NUFIP1: variants seen among roughly 807,000 people sequenced by gnomAD.
NUFIP1 encodes nuclear FMR1 interacting protein 1, also known as FMR1-interacting protein NUFIP1.
In NUFIP1, 38 loss-of-function variants were observed where a neutral mutation model predicts 56.2. The ratio of observed to expected loss-of-function variants is 0.68; its 90% CI spans 0.52 to 0.89. The LOEUF (loss-of-function observed/expected upper bound fraction) is 0.89, where lower values mean the gene tolerates loss of function less well. NUFIP1 is among the 40% of genes least tolerant of loss of function. The pLI, the probability that NUFIP1 is intolerant of heterozygous loss-of-function variation, is 0.00. For missense variants in NUFIP1, 567 were observed against 605.8 expected (o/e 0.94, Z 0.67); for synonymous variants, 215 against 212.4 (o/e 1.01, Z -0.10).
rs561522411 is a variant in NUFIP1, at chr13:44,943,477, C to T, written c.1336G>A (p.Glu446Lys). 28 of 1,613,842 alleles carry T rather than the reference C, an allele frequency of 1.7e-5. 1 individual carries two copies. In the South Asian group the frequency reaches 2.2e-4, roughly 13 times the overall value. The change falls in exon 9 of 10, where the codon GAA becomes AAA. Residue 446 changes from glutamate (E) to lysine (K), a missense_variant. Coordinates refer to ENST00000379161, the MANE Select transcript of NUFIP1 (RefSeq NM_012345.3). The stretch of plus-strand genomic sequence containing the variant: ...AGATATGGATGGTGTGTTCTTGGTT[C>T]GAATAACGTTTGATAGTTGTGATAA... Reference protein sequence around the residue: ...KDYHNYQTLFEPRTHHPYLLE... With the variant: ...KDYHNYQTLFKPRTHHPYLLE...
intron 6 of NUFIP1, among the ~76,000 whole-genome samples, chr13:44,962,924 C>G (rs1050985616): frequency 2.6e-5 from 4 of 152,098 alleles, no homozygotes; most frequent in African/African-American, 9.7e-5. Flanking sequence ...ACTGCACAGC[C>G]TAGGTGTGTA....
intron 9 of NUFIP1, among the ~76,000 whole-genome samples, chr13:44,941,994 G>T (rs1173797594): frequency 6.6e-6 from 1 of 150,582 alleles, no homozygotes; most frequent in African/African-American, 2.5e-5. Flanking sequence ...CATAACCTCC[G>T]CCTCCCGGGT....
At chr13:44,960,762 T>TAGAA (rs1283170628) in intron 6 of NUFIP1, among the ~76,000 whole-genome samples, 3 of 152,180 alleles carry the variant, frequency 2.0e-5, no homozygotes, top group African/African-American at 7.2e-5. Flanking sequence ...CAACTACTTT[T>TAGAA]AGAAAGAAAG....
Position 44,972,980 on chromosome 13 carries a change from G to A in NUFIP1, c.734+6210C>T, listed in dbSNP as rs1871856506. On this transcript the variant is annotated intron_variant, in intron 5 of 9. Coordinates refer to ENST00000379161, the MANE Select transcript of NUFIP1 (RefSeq NM_012345.3). ...GAAGTTATGCAAAGATAAGCAAAAT[G>A]TCTGTTAACATATATTCAAAGGTTG... 1.3e-5 allele frequency among the ~76,000 whole-genome samples: 2 copies of A among 152,184 alleles called. 1 individual carries two copies. The highest frequency in any genetic ancestry group is 1.3e-4 in the Admixed American group (2 of 15,280).
rs1259438714 is a variant in NUFIP1 at position 44,975,725 on chromosome 13, A to G, written c.734+3465T>C. On this transcript the variant is annotated intron_variant, in intron 5 of 9. Transcript: ENST00000379161. ...GAAACACCCTAATCTTCCAGACTAG[A>G]TGAAGTCCCCTTCCTCTTATATGCT... Among the ~76,000 whole-genome samples, 3 of 152,210 alleles carry G rather than the reference A, an allele frequency of 2.0e-5. No individual in the cohort carries two copies. In the East Asian group the frequency reaches 5.8e-4, roughly 29 times the overall value.
chr13:44,978,656 A>T (rs760268812), intron 5 of NUFIP1, among the ~76,000 whole-genome samples: 3 of 152,200 alleles, frequency 2.0e-5, no homozygotes, highest in Admixed American at 6.5e-5. Flanking sequence ...TCTCATTGTT[A>T]AGAACAAGCA....
intron 5 of NUFIP1, 111 bp from the exon 6 acceptor site, chr13:44,966,047 T>G: frequency 2.1e-6 from 1 of 467,934 alleles, no homozygotes; most frequent in Non-Finnish European, 3.6e-6. Flanking sequence ...ACACAGCAAA[T>G]TATAAACCTT....
chr13:44,949,536 A>G (rs1000509538), intron 8 of NUFIP1, among the ~76,000 whole-genome samples, 186 bp downstream of exon 8: 1 of 152,192 alleles, frequency 6.6e-6, no homozygotes, highest in African/African-American at 2.4e-5. Context: ...TTCCCAGAGT[A>G]GCAACACATT....
chr13:44,966,678 A>G (rs761343066), intron 5 of NUFIP1, among the ~76,000 whole-genome samples: 49 of 152,068 alleles, frequency 3.2e-4, no homozygotes, highest in Non-Finnish European at 6.5e-4. Context: ...GACGAGGAGG[A>G]GACAGTTCTC....
At chr13:44,966,836 G>A (rs1466787796) in intron 5 of NUFIP1, among the ~76,000 whole-genome samples, 1 of 151,854 alleles carries the variant, frequency 6.6e-6, no homozygotes, top group East Asian at 2.0e-4. Flanking sequence ...AGCCAAGTGT[G>A]GTGGCGGGCG....
In NUFIP1 at chr13:44,977,885, C is replaced by A. The variant is rs149278808; in HGVS notation, c.734+1305G>T. 5.1e-3 allele frequency among the ~76,000 whole-genome samples: 771 copies of A among 152,226 alleles called. 11 individuals carry two copies. Among genetic ancestry groups the A allele is most frequent in the African/African-American group, 0.018 (750 of 41,522 alleles). On this transcript the variant is annotated intron_variant, in intron 5 of 9. Coordinates refer to ENST00000379161, the MANE Select transcript of NUFIP1 (RefSeq NM_012345.3). ...CCAACATGGCGAAACCCCATCTCCA[C>A]TAAAAATACAAAAACTAGCCAGGTG...
intron 5 of NUFIP1, among the ~76,000 whole-genome samples, chr13:44,977,333 C>T (rs545524786): frequency 1.1e-3 from 160 of 152,256 alleles, no homozygotes; most frequent in Middle Eastern, 3.4e-3. Context: ...GTAAATAATG[C>T]TTTAGGGTAG....
chr13:44,943,775 T>C (rs1870827106), intron 8 of NUFIP1, 101 bp from the exon 9 acceptor site: 1 of 841,374 alleles, frequency 1.2e-6, no homozygotes, highest in Non-Finnish European at 1.9e-6. Context: ...CTCCTAGCCA[T>C]AATATTGTTC....
At chr13:44,947,234 CTT>C (rs899115570) in intron 8 of NUFIP1, among the ~76,000 whole-genome samples, 4 of 124,312 alleles carry the variant, frequency 3.2e-5, no homozygotes, top group Admixed American at 8.2e-5. Flanking sequence ...AAGCTTATTC[CTT>C]TTTTTTTTTT....
chr13:44,972,844 G>T lies in NUFIP1; in HGVS notation c.734+6346C>A, dbSNP rs1272876496. 7.9e-5 allele frequency among the ~76,000 whole-genome samples: 12 copies of T among 152,252 alleles called. No homozygotes were observed. The East Asian group carries it at 1.4e-3, about 17-fold the overall frequency. ...TTCACACTACAGTGAGAACCTTAAA[G>T]GCAAGAAGTTACTAGTGTTTGTTTT... On this transcript the variant is annotated intron_variant, in intron 5 of 9. Transcript: ENST00000379161.
intron 5 of NUFIP1, among the ~76,000 whole-genome samples, chr13:44,973,826 C>T (rs1434859998): frequency 6.6e-6 from 1 of 152,124 alleles, no homozygotes; most frequent in Non-Finnish European, 1.5e-5. Flanking sequence ...CTAGAAGCAG[C>T]AGCACGAACA....
chr13:44,976,421 A>AGAG (rs756487673), intron 5 of NUFIP1, among the ~76,000 whole-genome samples: 2 of 151,744 alleles, frequency 1.3e-5, no homozygotes, highest in South Asian at 2.1e-4. Context: ...GAAGAAGAGA[A>AGAG]GAGGAGGAGG....
Position 44,949,819 on chromosome 13 carries a change from T to C in NUFIP1, c.1041A>G (p.Lys347=). 6.2e-7 allele frequency: 1 copy of C among 1,613,840 alleles called. No individual in the cohort carries two copies. Among genetic ancestry groups the C allele is most frequent in the Non-Finnish European group, 8.5e-7 (1 of 1,179,728 alleles). The part of the protein sequence containing the change: ...NSDSESDKEE[K]PQHSVIPKEV... ...CCTTGGGTATCACAGAATGTTGTGG[T>C]TTCTCCTCCTTATCAGACTCTGAAG... The change falls in exon 8 of 10, where the codon AAA becomes AAG. Residue 347 remains lysine, a synonymous_variant. Transcript: ENST00000379161.
Position 44,989,176 on chromosome 13 carries a change from G to C in NUFIP1, c.261C>G (p.Pro87=). The C allele has an allele frequency of 6.2e-7, 1 of 1,612,824 alleles. No homozygotes were observed. The highest frequency in any genetic ancestry group is 1.1e-5 in the South Asian group (1 of 90,912). ...APPPFDAQIL[P]GAQPPFDAQS... is the part of the protein sequence containing the mutation. ...GGGCGTCGAAGGGGGGTTGCGCCCCGGGAAGAATCTGGGCGTCGAAGGGGG... is the reference window on the plus strand; with the variant it reads ...GGGCGTCGAAGGGGGGTTGCGCCCCCGGAAGAATCTGGGCGTCGAAGGGGG... The change falls in exon 1 of 10, where the codon CCC becomes CCG. Residue 87 remains proline (P), a synonymous_variant. Transcript: ENST00000379161.
Sources: allele counts gnomAD v4.1 joint callset (sites outside exome capture counted in the v4.1 genomes callset), GRCh38; gene constraint gnomAD v4.1.1; transcripts MANE v1.5; gene names NCBI Gene and HGNC (gene_info 2026-07-23, HGNC 2026-07-21).